Variants in NEK8 observed in about 807,000 individuals in gnomAD.
NEK8 encodes NIMA related kinase 8, also known as serine/threonine-protein kinase Nek8.
NEK8 carries 51 observed loss-of-function variants against 77.2 expected under a neutral mutation model. The observed-to-expected ratio is 0.66, with a 90% CI of 0.53 to 0.83. The LOEUF (loss-of-function observed/expected upper bound fraction) is 0.83, where lower values mean the gene tolerates loss of function less well. Among genes scored for constraint, NEK8 ranks in the 40% least tolerant of loss-of-function variants. The pLI is 0.00. For synonymous variants in NEK8, 365 were observed against 363.2 expected, an observed-to-expected ratio of 1.00 and a Z score of -0.06; for missense variants, 787 against 909.2, an observed-to-expected ratio of 0.87 and a Z score of 1.73.
At chr17:28,736,118 C>T (rs1403004935) in intron 4 of NEK8, among the ~76,000 whole-genome samples, 5 of 152,260 alleles carry the variant, frequency 3.3e-5, no homozygotes, top group Non-Finnish European at 4.4e-5. Context: ...TCATTTTTTA[C>T]GGCTGCATAG....
intron 4 of NEK8, among the ~76,000 whole-genome samples, chr17:28,736,524 GTGA>G (rs1448060789): frequency 6.6e-6 from 1 of 152,250 alleles, no homozygotes; most frequent in Non-Finnish European, 1.5e-5. Flanking sequence ...TTGATGGCCA[GTGA>G]TGATGAGCAT....
chr17:28,735,232 T>G lies in NEK8; in HGVS notation c.487-8T>G. 6.2e-7 allele frequency: 1 copy of G among 1,613,986 alleles called. No homozygotes were observed. Among genetic ancestry groups the G allele is most frequent in the Non-Finnish European group, 8.5e-7 (1 of 1,179,980 alleles). On this transcript the variant is annotated splice_polypyrimidine_tract_variant and splice_region_variant and intron_variant, in intron 3 of 14. Transcript: ENST00000268766. ...TGCAGGGCTGTGATCCCAGCTTCTA[T>G]CCTGCAGGTGGTGGGTACCCCATGC... is the stretch of plus-strand genomic sequence containing the variant.
intron 1 of NEK8, among the ~76,000 whole-genome samples, chr17:28,729,169 C>A (rs557527954): frequency 6.6e-6 from 1 of 152,384 alleles, no homozygotes; most frequent in African/African-American, 2.4e-5. Context: ...CCGGAACGGG[C>A]GTGGTCTTTT....
chr17:28,738,763 A>G lies in NEK8; in HGVS notation c.1299+16A>G. On this transcript the variant is annotated intron_variant, in intron 9 of 14. Transcript: ENST00000268766. Reference sequence around the variant, plus strand: ...CATCAGCCAGGTGGGTGTCACATATACCTTGGGAAGGGGAAGTCGGGGGAT... The same window carrying G: ...CATCAGCCAGGTGGGTGTCACATATGCCTTGGGAAGGGGAAGTCGGGGGAT... The G allele has an allele frequency of 6.2e-7, 1 of 1,605,232 alleles. No individual in the cohort carries two copies. Among genetic ancestry groups the G allele is most frequent in the South Asian group, 1.1e-5 (1 of 90,910 alleles).
rs1185212654 is a variant in NEK8, at chr17:28,737,813, C to T, written c.890-6C>T. 1.9e-6 allele frequency: 3 copies of T among 1,614,164 alleles called. No homozygotes were observed. The highest frequency in any genetic ancestry group is 3.3e-5 in the Admixed American group (2 of 60,030). ...GTTTAATAGTCCCCATGCACTGTACCTGCAGGTATCCCCCGGGGACCTGTG... is the reference window on the plus strand; with the variant it reads ...GTTTAATAGTCCCCATGCACTGTACTTGCAGGTATCCCCCGGGGACCTGTG... On this transcript the variant is annotated splice_region_variant and splice_polypyrimidine_tract_variant and intron_variant, in intron 6 of 14. Coordinates refer to ENST00000268766, the MANE Select transcript of NEK8 (RefSeq NM_178170.3). This position sits in a 1 kb window ranked among gnomAD's most constrained non-coding sequence, Gnocchi z 4.8.
intron 1 of NEK8, among the ~76,000 whole-genome samples, chr17:28,733,380 GA>G (rs1185401836): frequency 6.6e-6 from 1 of 152,182 alleles, no homozygotes; most frequent in Non-Finnish European, 1.5e-5. Context: ...GCCTGATCTG[GA>G]GGTAAAAATT....
At chr17:28,736,745 C>A (rs1247143761) in intron 4 of NEK8, among the ~76,000 whole-genome samples, 7 of 152,128 alleles carry the variant, frequency 4.6e-5, no homozygotes, top group Non-Finnish European at 4.4e-5. Flanking sequence ...ATGGTAGTTT[C>A]TTTTGCTGTG....
chr17:28,741,278 G>A lies in NEK8; in HGVS notation c.1891+42G>A, dbSNP rs1567762256. On this transcript the variant is annotated intron_variant, in intron 13 of 14. Transcript: ENST00000268766. This position sits in a 1 kb window ranked among gnomAD's most constrained non-coding sequence, Gnocchi z 4.5. ...GTGGGGGCAGACAGTGCCATGAGCA[G>A]TGGGGGGTGGGGGTTGCTATTCAGG... is the stretch of plus-strand genomic sequence containing the variant. 1 of 1,593,106 alleles carries A rather than the reference G, an allele frequency of 6.3e-7. No homozygotes were observed. Among genetic ancestry groups the A allele is most frequent in the South Asian group, 1.1e-5 (1 of 87,862 alleles).
rs1227561031 is a variant in NEK8 at position 28,739,255 on chromosome 17, C to T, written c.1417+54C>T. The T allele has an allele frequency of 1.8e-5, 20 of 1,105,916 alleles. No homozygotes were observed. The East Asian group carries it at 4.0e-4, about 22-fold the overall frequency. The allele number at this position is 1,105,916 out of a possible 1,614,324, so 68.5% of individuals were successfully genotyped here. A position where few individuals can be genotyped will look rare whatever the true frequency, so the allele number is the denominator to read the frequency against. The stretch of plus-strand genomic sequence containing the variant: ...ACAGCATCCTCAGCCATGACTTGCT[C>T]CCCTTCATACCCACCTTCCACCTCA... On this transcript the variant is annotated intron_variant, in intron 10 of 14. Transcript: ENST00000268766.
rs1167278425 is a variant in NEK8 at position 28,741,562 on chromosome 17, G to A, written c.2041G>A (p.Ala681Thr). ...CTGTTGCCATGGAAACACCCTCCTG[G>A]CTGTTCGATGTGAGTTGTAACTTTT... Reference protein sequence around the residue: ...VSCCHGNTLLAVRSVTDEPVP... With the variant: ...VSCCHGNTLLTVRSVTDEPVP... The change falls in exon 14 of 15, where the codon GCT (alanine) becomes ACT (threonine). Residue 681 changes from alanine to threonine, a missense_variant. Physicochemically the swap from Ala to Thr is moderately conservative, Grantham distance 58 (BLOSUM62 0). Transcript: ENST00000268766. The surrounding 1 kb of genome is among the most constrained non-coding windows in gnomAD (Gnocchi z 4.5). 6.2e-7 allele frequency: 1 copy of A among 1,614,058 alleles called. No individual in the cohort carries two copies. Among genetic ancestry groups the A allele is most frequent in the Non-Finnish European group, 8.5e-7 (1 of 1,180,010 alleles).
Position 28,734,041 on chromosome 17 carries a change from C to G in NEK8, c.106C>G (p.Pro36Ala), listed in dbSNP as rs1239849965. The G allele has an allele frequency of 6.2e-7, 1 of 1,614,222 alleles. No individual in the cohort carries two copies. Among genetic ancestry groups the G allele is most frequent in the Admixed American group, 1.7e-5 (1 of 60,022 alleles). Residue 36 changes from proline (P) to alanine (A), a missense_variant, in exon 2 of 15, where the codon CCA becomes GCA. By Grantham distance (27) the Pro-to-Ala change is conservative. This residue lies in a region of NEK8 where 271 missense variants were observed against 365.1 expected (regional missense o/e 0.74). Transcript: ENST00000268766. ...DQKLVIIKQI[P>A]VEQMTKEERQ... is the part of the protein sequence containing the mutation. ...GAAGCTGGTGATCATCAAGCAGATT[C>G]CAGTGGAACAGATGACCAAGGAAGA...
rs1183796012 is a variant in NEK8 at position 28,737,945 on chromosome 17, C to T, written c.1016C>T (p.Ala339Val). Residue 339 changes from alanine to valine, a missense_variant, in exon 7 of 15, where the codon GCT becomes GTT. Ala to Val is a moderately conservative substitution (Grantham distance 64). This residue lies in a region of NEK8 where 516 missense variants were observed against 544.0 expected (regional missense o/e 0.95). Coordinates refer to ENST00000268766, the MANE Select transcript of NEK8 (RefSeq NM_178170.3). This position sits in a 1 kb window ranked among gnomAD's most constrained non-coding sequence, Gnocchi z 4.8. ...AACACAGAGGTGGTCCAGGTGGCAG[C>T]TGGGCGCACGCAGAAAGCCGGCGTC... ...MLNTEVVQVAAGRTQKAGVTR... is the reference protein window; with the variant it reads ...MLNTEVVQVAVGRTQKAGVTR... The T allele has an allele frequency of 6.2e-7, 1 of 1,612,800 alleles. No homozygotes were observed. Among genetic ancestry groups the T allele is most frequent in the Non-Finnish European group, 8.5e-7 (1 of 1,179,346 alleles).
intron 4 of NEK8, among the ~76,000 whole-genome samples, chr17:28,736,889 GT>G (rs1287662180): frequency 6.6e-6 from 1 of 152,164 alleles, no homozygotes; most frequent in Non-Finnish European, 1.5e-5. Context: ...TCTTCTAGGG[GT>G]TTGATGGTTT....
At chr17:28,733,677 T>C (rs537309535) in intron 1 of NEK8, among the ~76,000 whole-genome samples, 28 of 152,324 alleles carry the variant, frequency 1.8e-4, no homozygotes, top group African/African-American at 6.3e-4. Context: ...CAGACAATGA[T>C]GTCACATAAT....
At position 28,737,882 on chromosome 17, in the gene NEK8, G is replaced by A. The variant is rs753256955; in HGVS notation, c.953G>A (p.Gly318Asp). The change falls in exon 7 of 15, where the codon GGT (glycine) becomes GAT (aspartate). Residue 318 changes from glycine (G) to aspartate (D), a missense_variant. Around this residue, in one of 2 missense-constraint regions of NEK8, gnomAD observed 516 missense variants for 544.0 expected, o/e 0.95. Transcript: ENST00000268766. This position sits in a 1 kb window ranked among gnomAD's most constrained non-coding sequence, Gnocchi z 4.8. ...PPPLSSVYAW[G>D]GGLGTPLRLP... ...CCACTGTCGTCAGTGTATGCCTGGG[G>A]TGGTGGGCTGGGCACCCCCCTGCGG... The A allele has an allele frequency of 4.3e-6, 7 of 1,613,786 alleles. No homozygotes were observed. The highest frequency in any genetic ancestry group is 4.0e-5 in the African/African-American group (3 of 74,936).
intron 1 of NEK8, among the ~76,000 whole-genome samples, chr17:28,729,609 C>T (rs2034287148): frequency 7.0e-6 from 1 of 142,904 alleles, no homozygotes; most frequent in African/African-American, 2.6e-5. Context: ...GTGGCACTAT[C>T]TCAGCTCACT....
In NEK8 at chr17:28,737,186, G is replaced by C; in HGVS notation, c.619-120G>C. 9.9e-7 allele frequency: 1 copy of C among 1,014,114 alleles called. No individual in the cohort carries two copies. The highest frequency in any genetic ancestry group is 1.5e-6 in the Non-Finnish European group (1 of 670,434). 62.8% of individuals were successfully genotyped at this position (1,014,114 alleles called of 1,614,324 possible). ...TTGGTTACTGTAGCCTTGTAGTATAGTTTGAAGTCAGGTAGCATGATGCCT... is the reference window on the plus strand; with the variant it reads ...TTGGTTACTGTAGCCTTGTAGTATACTTTGAAGTCAGGTAGCATGATGCCT... On this transcript the variant is annotated intron_variant, in intron 4 of 14. Transcript: ENST00000268766. The surrounding 1 kb of genome is among the most constrained non-coding windows in gnomAD (Gnocchi z 4.8).
In NEK8 at chr17:28,733,880, A is replaced by G. The variant is rs1043614621; in HGVS notation, c.48-103A>G. The stretch of plus-strand genomic sequence containing the variant: ...GCTTGGTTAGATGACCTCTCAGTCT[A>G]GAACCCTCTTCCAAGAGACATCAGT... On this transcript the variant is annotated intron_variant, in intron 1 of 14. Transcript: ENST00000268766. 5.3e-6 allele frequency: 5 copies of G among 935,782 alleles called. No homozygotes were observed. The African/African-American group carries it at 8.1e-5, about 15-fold the overall frequency. 58.0% of individuals were successfully genotyped at this position (935,782 alleles called of 1,614,324 possible).
At position 28,737,531 on chromosome 17, in the gene NEK8, C is replaced by A. The variant is rs369140861; in HGVS notation, c.827+17C>A. ...CATGCGGAGGCCTGTGCAGGGACAG[C>A]GAGCGGTCCTGGGCGGCAGGGTGTG... On this transcript the variant is annotated intron_variant, in intron 5 of 14. Transcript: ENST00000268766. The surrounding 1 kb of genome is among the most constrained non-coding windows in gnomAD (Gnocchi z 4.8). 1.2e-6 allele frequency: 2 copies of A among 1,612,586 alleles called. No individual in the cohort carries two copies. The highest frequency in any genetic ancestry group is 1.7e-5 in the Admixed American group (1 of 59,934).
Sources: gnomAD v4.1 joint callset for allele counts (sites outside exome capture counted in the v4.1 genomes callset) on GRCh38, gnomAD v4.1.1 for gene constraint, gnomAD v4.1.1 regional missense constraint, Gnocchi (gnomAD v3.1) non-coding constraint, MANE v1.5 for transcripts, NCBI Gene and HGNC (gene_info 2026-07-23, HGNC 2026-07-21) for gene names.